The following ASCC1 variants were observed in gnomAD, a reference collection of about 807,000 sequenced individuals.
ASCC1 encodes activating signal cointegrator 1 complex subunit 1.
In ASCC1, 35 loss-of-function variants were observed where a neutral mutation model predicts 46.6. That is an observed-to-expected ratio of 0.75 (90% CI 0.57 to 0.99). The LOEUF (loss-of-function observed/expected upper bound fraction) is 0.99. ASCC1 is among the 50% of genes least tolerant of loss of function. ASCC1 has a pLI of 0.00. For missense variants in ASCC1, 376 were observed against 428.7 expected, an observed-to-expected ratio of 0.88 and a Z score of 1.09; for synonymous variants, 143 against 146.6, an observed-to-expected ratio of 0.98 and a Z score of 0.18.
chr10:72,105,860 AC>A (rs1842289056), intron 9 of ASCC1, among the ~76,000 whole-genome samples: 1 of 152,126 alleles, frequency 6.6e-6, no homozygotes, highest in South Asian at 2.1e-4. Flanking sequence ...GCCATCAAAG[AC>A]CAGAAATAAC....
rs540395883 is a variant in ASCC1 at position 72,180,354 on chromosome 10, G to A, written c.489+16457C>T. Among the ~76,000 whole-genome samples, 8 of 152,102 alleles carry A rather than the reference G, an allele frequency of 5.3e-5. No homozygotes were observed. The South Asian group carries it at 1.0e-3, about 20-fold the overall frequency. The stretch of plus-strand genomic sequence containing the variant: ...AAAAATAAAAGAGCTACCCAGGCAC[G>A]GTGGATCACACCTGTAATCCCAGCA... On this transcript the variant is annotated intron_variant, in intron 5 of 9. Coordinates refer to ENST00000672957, the MANE Select transcript of ASCC1 (RefSeq NM_001198800.3).
At chr10:72,117,518 T>A (rs545074586) in intron 9 of ASCC1, among the ~76,000 whole-genome samples, 3 of 152,244 alleles carry the variant, frequency 2.0e-5, no homozygotes, top group Non-Finnish European at 4.4e-5. Flanking sequence ...TATTTTCTCT[T>A]TGCCATTTGC....
chr10:72,098,221 C>A (rs1348744266), intron 9 of ASCC1, among the ~76,000 whole-genome samples: 1 of 152,164 alleles, frequency 6.6e-6, no homozygotes, highest in Non-Finnish European at 1.5e-5. Context: ...AGGCAGGACC[C>A]AAAATGACAT....
At position 72,096,819 on chromosome 10, in the gene ASCC1, A is replaced by G. The variant is rs1841141547; in HGVS notation, c.*515T>C. 2.2e-6 allele frequency: 1 copy of G among 454,142 alleles called. No homozygotes were observed. Among genetic ancestry groups the G allele is most frequent in the Non-Finnish European group, 4.4e-6 (1 of 226,806 alleles). The allele number at this position is 454,142 out of a possible 1,614,324, so 28.1% of individuals were successfully genotyped here. A position where few individuals can be genotyped will look rare whatever the true frequency, so the allele number is the denominator to read the frequency against. On this transcript the variant is annotated 3_prime_UTR_variant, in exon 10 of 10. Coordinates refer to ENST00000672957, the MANE Select transcript of ASCC1 (RefSeq NM_001198800.3). Reference sequence around the variant, plus strand: ...GAAATAAGCCAGTCACAAAAAGACAAGTCACTGTATGATTCCACTTATATG... The same window carrying G: ...GAAATAAGCCAGTCACAAAAAGACAGGTCACTGTATGATTCCACTTATATG...
At chr10:72,111,386 T>C (rs187141172) in intron 9 of ASCC1, among the ~76,000 whole-genome samples, 10 of 152,130 alleles carry the variant, frequency 6.6e-5, no homozygotes, top group Admixed American at 2.0e-4. Context: ...CTCAGGAGGC[T>C]GAAGTGGGAG....
intron 5 of ASCC1, among the ~76,000 whole-genome samples, chr10:72,179,950 CAT>C (rs1183780776): frequency 6.6e-6 from 1 of 151,906 alleles, no homozygotes; most frequent in Admixed American, 6.6e-5. Context: ...TTTAAAAAAA[CAT>C]AAAAATACTA....
chr10:72,177,719 T>C (rs549036296), intron 5 of ASCC1, among the ~76,000 whole-genome samples: 1 of 152,298 alleles, frequency 6.6e-6, no homozygotes, highest in South Asian at 2.1e-4. Context: ...CATTACTAGC[T>C]AAAAAATGAT....
chr10:72,172,657 T>A (rs1489735304), intron 5 of ASCC1, among the ~76,000 whole-genome samples: 1 of 144,604 alleles, frequency 6.9e-6, no homozygotes, highest in Non-Finnish European at 1.5e-5. Context: ...AATGTTGAGA[T>A]GTTTTAAAGG....
At chr10:72,171,137 T>C (rs1218598574) in intron 5 of ASCC1, among the ~76,000 whole-genome samples, 2 of 152,232 alleles carry the variant, frequency 1.3e-5, no homozygotes, top group Non-Finnish European at 2.9e-5. Flanking sequence ...TTTCTTCAAC[T>C]TTTCTGTGAG....
intron 7 of ASCC1, among the ~76,000 whole-genome samples, chr10:72,145,457 T>C (rs903893953): frequency 6.6e-6 from 1 of 152,186 alleles, no homozygotes; most frequent in Non-Finnish European, 1.5e-5. Context: ...GAAAGAACCT[T>C]CCCACCACTC....
chr10:72,171,376 A>G (rs1298730029), intron 5 of ASCC1, among the ~76,000 whole-genome samples: 2 of 151,352 alleles, frequency 1.3e-5, no homozygotes, highest in Non-Finnish European at 2.9e-5. Context: ...CATCACTTCA[A>G]TCTCCACTTT....
At chr10:72,167,780 C>T (rs943371908) in intron 5 of ASCC1, among the ~76,000 whole-genome samples, 2 of 151,888 alleles carry the variant, frequency 1.3e-5, no homozygotes, top group Non-Finnish European at 2.9e-5. Flanking sequence ...GGACTACAAG[C>T]TCACATCACC....
intron 9 of ASCC1, among the ~76,000 whole-genome samples, chr10:72,109,507 T>C (rs1456721501): frequency 2.0e-5 from 3 of 152,102 alleles, no homozygotes; most frequent in African/African-American, 7.2e-5. Flanking sequence ...GACCTAAGGA[T>C]GTGCTGGCAG....
chr10:72,190,367 G>C (rs762003276), intron 5 of ASCC1: 356 of 1,481,530 alleles, frequency 2.4e-4, no homozygotes, highest in Non-Finnish European at 3.2e-4. Context: ...TATCCTCATT[G>C]ATCCAGTCCA....
intron 6 of ASCC1, among the ~76,000 whole-genome samples, chr10:72,154,780 C>T (rs1225056524): frequency 1.3e-5 from 2 of 152,146 alleles, no homozygotes; most frequent in African/African-American, 4.8e-5. Flanking sequence ...GCGTGAGCCA[C>T]TGCACTTGGC....
intron 4 of ASCC1, among the ~76,000 whole-genome samples, 200 bp from the exon 5 acceptor site, chr10:72,197,189 T>C (rs144327577): frequency 7.7e-4 from 117 of 152,142 alleles, no homozygotes; most frequent in African/African-American, 2.7e-3. Context: ...AGAATATCCT[T>C]GGCCGGGCAC....
chr10:72,203,624 A>G (rs1473612539), intron 3 of ASCC1, 100 bp from the exon 4 acceptor site: 2 of 879,348 alleles, frequency 2.3e-6, no homozygotes, highest in Non-Finnish European at 3.7e-6. Context: ...ACTCCCTTAC[A>G]GAAAAGTAGT....
intron 5 of ASCC1, among the ~76,000 whole-genome samples, chr10:72,170,751 T>C (rs1365443274): frequency 6.6e-6 from 1 of 152,130 alleles, no homozygotes; most frequent in African/African-American, 2.4e-5. Context: ...AGGATATTAC[T>C]GGATTAAGTG....
intron 5 of ASCC1, among the ~76,000 whole-genome samples, chr10:72,177,067 G>T (rs1256987049): frequency 1.3e-5 from 2 of 151,964 alleles, no homozygotes; most frequent in Non-Finnish European, 2.9e-5. Flanking sequence ...AGAGTCCATT[G>T]TTGGCACATA....
Sources: gnomAD v4.1 joint callset for allele counts (sites outside exome capture counted in the v4.1 genomes callset) on GRCh38, gnomAD v4.1.1 for gene constraint, MANE v1.5 for transcripts, NCBI Gene and HGNC (gene_info 2026-07-23, HGNC 2026-07-21) for gene names.